Variants in TENM3 observed in about 807,000 individuals in gnomAD.
TENM3 encodes the protein teneurin transmembrane protein 3.
A neutral mutation model predicts 255.1 loss-of-function variants in TENM3; 63 were observed. The observed-to-expected ratio is 0.25, with a 90% CI of 0.20 to 0.30. The LOEUF (loss-of-function observed/expected upper bound fraction) is 0.30, where lower values mean the gene tolerates loss of function less well. TENM3 is among the 10% of genes least tolerant of loss of function. The pLI, the probability that TENM3 is intolerant of heterozygous loss-of-function variation, is 1.00. For synonymous variants in TENM3, 1,306 were observed against 1,322.3 expected, an observed-to-expected ratio of 0.99 and a Z score of 0.27; for missense variants, 2,929 against 3,461.1, an observed-to-expected ratio of 0.85 and a Z score of 3.86.
the TENM3 span, among the ~76,000 whole-genome samples, chr4:181,799,014 T>G: frequency 6.6e-6 from 1 of 152,254 alleles, no homozygotes; most frequent in South Asian, 2.1e-4. Flanking sequence ...AAGCAAAATG[T>G]AGACGGCCGC....
At chr4:182,418,792 G>T (rs1397845075) in intron 3 of TENM3, among the ~76,000 whole-genome samples, 1 of 151,998 alleles carries the variant, frequency 6.6e-6, no homozygotes, top group Non-Finnish European at 1.5e-5. Flanking sequence ...TGAACCCCTG[G>T]GCTCAAGCAA....
intron 24 of TENM3, among the ~76,000 whole-genome samples, chr4:182,778,411 G>T (rs1396432310): frequency 1.3e-5 from 2 of 152,150 alleles, no homozygotes; most frequent in Non-Finnish European, 1.5e-5. Flanking sequence ...AATCTGAGCG[G>T]CACGGCCTAG....
At chr4:181,598,118 G>A in the TENM3 span, among the ~76,000 whole-genome samples, 1 of 152,086 alleles carries the variant, frequency 6.6e-6, no homozygotes, top group Admixed American at 6.5e-5. Context: ...ATCAAAATAG[G>A]CTAATTTCAC....
chr4:182,369,588 T>C (rs6857090), intron 3 of TENM3, among the ~76,000 whole-genome samples: 106,235 of 152,122 alleles, frequency 0.7, 39,016 homozygotes, highest in East Asian at 0.93. Context: ...CCTGCTATAT[T>C]AAAAGTTTCT....
chr4:182,628,607 C>A, intron 4 of TENM3, 44 bp from the exon 5 acceptor site: 2 of 1,276,578 alleles, frequency 1.6e-6, no homozygotes, highest in South Asian at 1.3e-5. Flanking sequence ...TCTCTTGTAT[C>A]GTAACATATT....
intron 4 of TENM3, among the ~76,000 whole-genome samples, chr4:182,623,346 A>T (rs903421773): frequency 6.7e-6 from 1 of 149,916 alleles, no homozygotes; most frequent in Non-Finnish European, 1.5e-5. Flanking sequence ...CTCTGTCACC[A>T]GGCTGGAATG....
At chr4:182,238,168 TCTTGGCTG>T (rs1757007155) in intron 1 of TENM3, among the ~76,000 whole-genome samples, 1 of 152,148 alleles carries the variant, frequency 6.6e-6, no homozygotes, top group Admixed American at 6.5e-5. Context: ...CTTCCTCGTG[TCTTGGCTG>T]CTTTAGCCTC....
chr4:181,798,960 A>G, the TENM3 span, among the ~76,000 whole-genome samples: 1 of 152,252 alleles, frequency 6.6e-6, no homozygotes, highest in Non-Finnish European at 1.5e-5. Context: ...GAAGTGATGC[A>G]TAAAGAAATG....
the TENM3 span, among the ~76,000 whole-genome samples, chr4:182,010,538 ACT>A: frequency 6.6e-6 from 1 of 151,914 alleles, no homozygotes; most frequent in Admixed American, 6.5e-5. Flanking sequence ...AGTTAAAATA[ACT>A]CTGATTTTTC....
the TENM3 span, among the ~76,000 whole-genome samples, chr4:181,597,783 A>G: frequency 6.6e-6 from 1 of 152,204 alleles, no homozygotes; most frequent in Non-Finnish European, 1.5e-5. Context: ...AAATGTTTCC[A>G]TCAATCAGTA....
At chr4:182,788,181 G>A (rs1337704933) in intron 24 of TENM3, among the ~76,000 whole-genome samples, 2 of 152,196 alleles carry the variant, frequency 1.3e-5, no homozygotes, top group Non-Finnish European at 2.9e-5. Context: ...ATTTTGGAAT[G>A]TACAAGCCAC....
the TENM3 span, among the ~76,000 whole-genome samples, chr4:181,490,732 C>A: frequency 6.6e-6 from 1 of 152,112 alleles, no homozygotes; most frequent in Non-Finnish European, 1.5e-5. Context: ...TAATTGTTAT[C>A]AGTAATAACT....
At chr4:182,704,041 A>G (rs1758089923) in intron 12 of TENM3, among the ~76,000 whole-genome samples, 2 of 152,202 alleles carry the variant, frequency 1.3e-5, no homozygotes, top group South Asian at 4.1e-4. Flanking sequence ...TTTTTTAATT[A>G]ATGTTAAGAG....
At chr4:181,529,472 G>T in the TENM3 span, among the ~76,000 whole-genome samples, 1 of 152,100 alleles carries the variant, frequency 6.6e-6, no homozygotes, top group Non-Finnish European at 1.5e-5. Context: ...AATAGATGTG[G>T]GTAATGTAAA....
the TENM3 span, among the ~76,000 whole-genome samples, chr4:181,514,633 G>A: frequency 6.6e-6 from 1 of 152,170 alleles, no homozygotes; most frequent in Non-Finnish European, 1.5e-5. Context: ...GTGTTAGGGT[G>A]AGATGGGGGA....
In TENM3 at chr4:182,551,039, A is replaced by G. The variant is rs1018794136; in HGVS notation, c.512-49885A>G. Among the ~76,000 whole-genome samples, 3 of 152,006 alleles carry G rather than the reference A, an allele frequency of 2.0e-5. No individual in the cohort carries two copies. The East Asian group carries it at 5.8e-4, about 29-fold the overall frequency. On this transcript the variant is annotated intron_variant, in intron 3 of 27. Transcript: ENST00000511685. Reference sequence around the variant, plus strand: ...AGTTTGAGACCAGCCTGGTCAACACAGTGAAACACTGTCTCTACTAAAAAA... The same window carrying G: ...AGTTTGAGACCAGCCTGGTCAACACGGTGAAACACTGTCTCTACTAAAAAA...
At chr4:181,793,826 C>T in the TENM3 span, among the ~76,000 whole-genome samples, 2 of 152,174 alleles carry the variant, frequency 1.3e-5, no homozygotes, top group Non-Finnish European at 2.9e-5. Context: ...AAATGTAATA[C>T]TTGCCTCTTT....
intron 22 of TENM3, among the ~76,000 whole-genome samples, chr4:182,770,105 G>GAA (rs34469288): frequency 2.3e-4 from 21 of 92,704 alleles, no homozygotes; most frequent in African/African-American, 5.5e-4. Flanking sequence ...GACTTGTCTC[G>GAA]AAAAAAAAAA....
chr4:182,692,345 A>G (rs926202882), intron 12 of TENM3, among the ~76,000 whole-genome samples: 2 of 152,232 alleles, frequency 1.3e-5, no homozygotes, highest in Non-Finnish European at 2.9e-5. Context: ...GATAAATACT[A>G]AGTACCAAAT....
Sources: gnomAD v4.1 joint callset for allele counts (sites outside exome capture counted in the v4.1 genomes callset) on GRCh38, gnomAD v4.1.1 for gene constraint, MANE v1.5 for transcripts, NCBI Gene and HGNC (gene_info 2026-07-23, HGNC 2026-07-21) for gene names.